Variants in HS6ST2 observed in about 807,000 individuals in gnomAD.
The protein encoded by HS6ST2 is heparan sulfate 6-O-sulfotransferase 2.
In HS6ST2, 17 loss-of-function variants were observed where a neutral mutation model predicts 33.0. The observed-to-expected ratio is 0.52, with a 90% confidence interval of 0.35 to 0.77. The LOEUF (loss-of-function observed/expected upper bound fraction) is 0.77, where lower values mean the gene tolerates loss of function less well. Ranked by LOEUF, HS6ST2 falls within the 30% of genes least tolerant of loss-of-function variation. The pLI is 0.01. For synonymous variants in HS6ST2, 248 were observed against 237.1 expected, an observed-to-expected ratio of 1.05 and a Z score of -0.42; for missense variants, 519 against 551.7, an observed-to-expected ratio of 0.94 and a Z score of 0.59.
At chrX:132,861,580 T>C (rs888888003) in intron 2 of HS6ST2, among the ~76,000 whole-genome samples, 2 of 112,667 alleles carry the variant, frequency 1.8e-5, no homozygotes, top group Non-Finnish European at 3.8e-5. Flanking sequence ...ACACAAAGAA[T>C]TACTATTTTC....
chrX:132,637,807 T>A (rs1393568909), intron 4 of HS6ST2, among the ~76,000 whole-genome samples: 1 of 44,183 alleles, frequency 2.3e-5, no homozygotes, highest in Non-Finnish European at 3.2e-5. Flanking sequence ...TAATATTATA[T>A]ATTATTTTAT....
intron 2 of HS6ST2, among the ~76,000 whole-genome samples, chrX:132,849,985 CAT>C (rs934686992): frequency 3.6e-5 from 4 of 111,900 alleles, no homozygotes; most frequent in African/African-American, 1.3e-4. Context: ...GAAACGAAAA[CAT>C]AAGTTAGAAA....
intron 2 of HS6ST2, among the ~76,000 whole-genome samples, chrX:132,811,285 C>G (rs1430848438): frequency 9.0e-6 from 1 of 110,727 alleles, no homozygotes; most frequent in African/African-American, 3.3e-5. Context: ...CTCTAGGTTA[C>G]GAACAACCCA....
intron 3 of HS6ST2, among the ~76,000 whole-genome samples, chrX:132,677,116 C>G (rs1218614107): frequency 1.8e-5 from 2 of 112,227 alleles, no homozygotes; most frequent in African/African-American, 6.5e-5. Context: ...CAACTGGAGC[C>G]TAGTTGGTGA....
At chrX:132,661,830 G>C (rs1443705320) in intron 4 of HS6ST2, among the ~76,000 whole-genome samples, 1 of 111,327 alleles carries the variant, frequency 9.0e-6, no homozygotes. Flanking sequence ...GATTGTTTGA[G>C]ACCAGCCTGG....
chrX:132,861,932 TA>T (rs1395802586), intron 2 of HS6ST2, among the ~76,000 whole-genome samples: 2 of 112,457 alleles, frequency 1.8e-5, no homozygotes, highest in Non-Finnish European at 3.8e-5. Context: ...CTTCAGAACT[TA>T]CCATGGAACA....
chrX:132,957,038 GC>G lies in HS6ST2; in HGVS notation c.716del (p.Gly239AlafsTer74). 1.7e-6 allele frequency: 2 copies of G among 1,211,900 alleles called. No individual in the cohort carries two copies. Among genetic ancestry groups the G allele is most frequent in the Non-Finnish European group, 1.1e-6 (1 of 895,422 alleles). ...GCACCAAGTGGCGGCCGAAAGTGGT[GC>G]CCCCGGTCTTCTGGATGTGCAGGAA... ...IVFLHIQKTGGTTFGRHLVRN... is the reference protein window; with the variant it reads ...IVFLHIQKTGXTTFGRHLVRN... On this transcript the variant is annotated frameshift_variant, in exon 2 of 5. Coordinates refer to ENST00000370833, the MANE Select transcript of HS6ST2 (RefSeq NM_001394073.1). LOFTEE classifies it high-confidence loss of function.
chrX:132,709,303 T>C (rs903487542), intron 2 of HS6ST2, among the ~76,000 whole-genome samples: 1 of 112,394 alleles, frequency 8.9e-6, no homozygotes, highest in Non-Finnish European at 1.9e-5. Flanking sequence ...TTTTACAATG[T>C]AGCAACACTT....
chrX:132,847,719 G>C (rs2065765589), intron 2 of HS6ST2, among the ~76,000 whole-genome samples: 1 of 111,407 alleles, frequency 9.0e-6, no homozygotes, highest in Non-Finnish European at 1.9e-5. Flanking sequence ...CATGTTATCA[G>C]AGGAACAGAT....
At chrX:132,945,710 A>G (rs1168156435) in intron 2 of HS6ST2, among the ~76,000 whole-genome samples, 1 of 109,618 alleles carries the variant, frequency 9.1e-6, no homozygotes, top group African/African-American at 3.3e-5. Flanking sequence ...TTGCAGGGAC[A>G]TGGATGAAGC....
intron 2 of HS6ST2, among the ~76,000 whole-genome samples, chrX:132,816,814 C>T (rs775175785): frequency 1.6e-4 from 18 of 111,577 alleles, no homozygotes; most frequent in East Asian, 2.8e-4. Flanking sequence ...TAGGAAGTCT[C>T]GCTGCCAGCT....
At chrX:132,887,749 C>T (rs928625165) in intron 2 of HS6ST2, among the ~76,000 whole-genome samples, 1 of 112,039 alleles carries the variant, frequency 8.9e-6, no homozygotes, top group African/African-American at 3.2e-5. Context: ...GGAAACAATT[C>T]AAATATCCAT....
intron 2 of HS6ST2, among the ~76,000 whole-genome samples, chrX:132,723,791 A>G (rs1483055079): frequency 8.9e-5 from 10 of 112,033 alleles, no homozygotes; most frequent in Non-Finnish European, 1.9e-5. Flanking sequence ...CACCACTGTT[A>G]ACCAATATAG....
chrX:132,911,184 A>G (rs1476426071), intron 2 of HS6ST2, among the ~76,000 whole-genome samples: 4 of 108,298 alleles, frequency 3.7e-5, no homozygotes, highest in Non-Finnish European at 7.6e-5. Context: ...GGAAATATTT[A>G]TCAGTATTTT....
intron 2 of HS6ST2, among the ~76,000 whole-genome samples, chrX:132,835,135 G>A (rs1345778096): frequency 4.5e-5 from 5 of 111,911 alleles, no homozygotes; most frequent in African/African-American, 1.6e-4. Flanking sequence ...TGCTTGAAAA[G>A]GTTAGTGTGG....
chrX:132,736,848 A>G (rs2064515300), intron 2 of HS6ST2, among the ~76,000 whole-genome samples: 1 of 112,053 alleles, frequency 8.9e-6, no homozygotes, highest in African/African-American at 3.2e-5. Context: ...CCTCTTGAAA[A>G]GAAACCTCAA....
intron 2 of HS6ST2, among the ~76,000 whole-genome samples, chrX:132,783,383 G>C (rs1003283801): frequency 9.0e-6 from 1 of 111,391 alleles, no homozygotes; most frequent in Non-Finnish European, 1.9e-5. Context: ...AGATGGAGAG[G>C]GTGTCTGTAA....
chrX:132,914,110 A>G (rs1175656074), intron 2 of HS6ST2, among the ~76,000 whole-genome samples: 1 of 111,822 alleles, frequency 8.9e-6, no homozygotes, highest in Non-Finnish European at 1.9e-5. Context: ...TGACTAAACA[A>G]CTTAGACAAA....
intron 2 of HS6ST2, among the ~76,000 whole-genome samples, chrX:132,845,596 T>C (rs765827344): frequency 2.8e-4 from 31 of 111,295 alleles, no homozygotes; most frequent in African/African-American, 6.8e-4. Context: ...ATTCTCAAAA[T>C]CCCTATGAAC....
Sources: gnomAD v4.1 joint callset for allele counts (sites outside exome capture counted in the v4.1 genomes callset) on GRCh38, gnomAD v4.1.1 for gene constraint, MANE v1.5 for transcripts, NCBI Gene and HGNC (gene_info 2026-07-23, HGNC 2026-07-21) for gene names.